HCN3: variants seen among roughly 807,000 people sequenced by gnomAD.
HCN3 encodes hyperpolarization activated cyclic nucleotide gated potassium channel 3, also known as potassium/sodium hyperpolarization-activated cyclic nucleotide-gated channel 3.
In HCN3, 36 loss-of-function variants were observed where a neutral mutation model predicts 56.8. The ratio of observed to expected loss-of-function variants is 0.63; its 90% CI spans 0.49 to 0.84. HCN3 has a LOEUF of 0.84. HCN3 is among the 40% of genes least tolerant of loss of function. The pLI is 0.00. For synonymous variants in HCN3, 425 were observed against 439.7 expected, an observed-to-expected ratio of 0.97 and a Z score of 0.42; for missense variants, 930 against 1,079.3, an observed-to-expected ratio of 0.86 and a Z score of 1.94.
At chr1:155,286,526 G>A (rs1674294145) in intron 6 of HCN3, among the ~76,000 whole-genome samples, 1 of 152,180 alleles carries the variant, frequency 6.6e-6, no homozygotes, top group Non-Finnish European at 1.5e-5. Context: ...GGGCCTTTTA[G>A]AACCCTTAGA....
chr1:155,285,763 A>C lies in HCN3; in HGVS notation c.1276A>C (p.Met426Leu), dbSNP rs143562699. ...NFTCRGLVAHMPLFAHADPSF... is the reference protein window; with the variant it reads ...NFTCRGLVAHLPLFAHADPSF... ...CACCTGTCGGGGCCTGGTGGCCCAC[A>C]TGCCGCTGTTTGCCCATGCCGACCC... The change falls in exon 6 of 8, where the codon ATG becomes CTG. Residue 426 changes from methionine (M) to leucine (L), a missense_variant. Coordinates refer to ENST00000368358, the MANE Select transcript of HCN3 (RefSeq NM_020897.3). This position sits in a 1 kb window ranked among gnomAD's most constrained non-coding sequence, Gnocchi z 4.5. The C allele has an allele frequency of 6.2e-7, 1 of 1,614,078 alleles. No individual in the cohort carries two copies. The highest frequency in any genetic ancestry group is 1.3e-5 in the African/African-American group (1 of 75,006).
At position 155,284,277 on chromosome 1, in the gene HCN3, A is replaced by G; in HGVS notation, c.870+142A>G. 3 of 1,008,568 alleles carry G rather than the reference A, an allele frequency of 3.0e-6. No homozygotes were observed. Among genetic ancestry groups the G allele is most frequent in the Non-Finnish European group, 4.3e-6 (3 of 695,630 alleles). The allele number at this position is 1,008,568 out of a possible 1,614,324, so 62.5% of individuals were successfully genotyped here. On this transcript the variant is annotated intron_variant, in intron 3 of 7. Transcript: ENST00000368358. The surrounding 1 kb of genome is among the most constrained non-coding windows in gnomAD (Gnocchi z 4.3). ...CGAGGAGGTGGGGAGGAGGGAGGAA[A>G]GGGGAAGGAGACCCAGAAGAAGTGC...
chr1:155,285,665 C>T lies in HCN3; in HGVS notation c.1237-59C>T, dbSNP rs552426994. On this transcript the variant is annotated intron_variant, in intron 5 of 7. Transcript: ENST00000368358. This position sits in a 1 kb window ranked among gnomAD's most constrained non-coding sequence, Gnocchi z 4.5. ...TGGGGTTTCTGGAAGCGGATGAGCT[C>T]GGTGGGATCATCTCAGGTCAGGGGC... The T allele has an allele frequency of 1.4e-5, 23 of 1,597,858 alleles. No homozygotes were observed. The highest frequency in any genetic ancestry group is 1.2e-4 in the South Asian group (11 of 89,072).
In HCN3 at chr1:155,284,397, C is replaced by A. The variant is rs1459882393; in HGVS notation, c.871-142C>A. The stretch of plus-strand genomic sequence containing the variant: ...AGGACCCTTTTGCCTCAGGGCCCCC[C>A]AGAACCAAACTTAAGTGCCTGCCAG... On this transcript the variant is annotated intron_variant, in intron 3 of 7. Coordinates refer to ENST00000368358, the MANE Select transcript of HCN3 (RefSeq NM_020897.3). The surrounding 1 kb of genome is among the most constrained non-coding windows in gnomAD (Gnocchi z 4.3). 11 of 1,025,264 alleles carry A rather than the reference C, an allele frequency of 1.1e-5. No homozygotes were observed. The highest frequency in any genetic ancestry group is 2.8e-5 in the Admixed American group (1 of 35,692). The allele number at this position is 1,025,264 out of a possible 1,614,324, so 63.5% of individuals were successfully genotyped here. A position where few individuals can be genotyped will look rare whatever the true frequency, so the allele number is the denominator to read the frequency against.
Position 155,285,689 on chromosome 1 carries a change from G to T in HCN3, c.1237-35G>T. On this transcript the variant is annotated intron_variant, in intron 5 of 7. Coordinates refer to ENST00000368358, the MANE Select transcript of HCN3 (RefSeq NM_020897.3). The surrounding 1 kb of genome is among the most constrained non-coding windows in gnomAD (Gnocchi z 4.5). ...TCGGTGGGATCATCTCAGGTCAGGG[G>T]CACAGCCTGCCTGACAGGCCCCTCC... 3.7e-6 allele frequency: 6 copies of T among 1,611,072 alleles called. No individual in the cohort carries two copies. Among genetic ancestry groups the T allele is most frequent in the Non-Finnish European group, 5.1e-6 (6 of 1,178,306 alleles).
Position 155,287,864 on chromosome 1 carries a change from C to A in HCN3, c.1726C>A (p.Gln576Lys), listed in dbSNP as rs774694361. 1 of 1,614,030 alleles carries A rather than the reference C, an allele frequency of 6.2e-7. No homozygotes were observed. The highest frequency in any genetic ancestry group is 1.1e-5 in the South Asian group (1 of 91,064). The stretch of plus-strand genomic sequence containing the variant: ...TGGCATCATGGAGCAGCACTTGGTG[C>A]AACATGACAGAGACATGGCTCGGGG... ...SGGIMEQHLVQHDRDMARGVR... is the reference protein window; with the variant it reads ...SGGIMEQHLVKHDRDMARGVR... The change falls in exon 8 of 8, where the codon CAA becomes AAA. Residue 576 changes from glutamine to lysine, a missense_variant. Gln to Lys is a moderately conservative substitution (Grantham distance 53, BLOSUM62 1). Transcript: ENST00000368358.
At position 155,288,154 on chromosome 1, in the gene HCN3, C is replaced by A. The variant is rs775700824; in HGVS notation, c.2016C>A (p.Pro672=). 1.9e-6 allele frequency: 3 copies of A among 1,583,262 alleles called. No individual in the cohort carries two copies. The highest frequency in any genetic ancestry group is 2.7e-5 in the African/African-American group (2 of 74,004). Residue 672 remains proline, a synonymous_variant, in exon 8 of 8, where the codon CCC becomes CCA. Transcript: ENST00000368358. This position sits in a 1 kb window ranked among gnomAD's most constrained non-coding sequence, Gnocchi z 6.5. ...CATGGGCATCCACCTCCCGCCTGCC[C>A]GCCCCACCTGCCCGAACCCTGCACG... is the stretch of plus-strand genomic sequence containing the variant. ...AGPWASTSRL[P]APPARTLHAS... is the part of the protein sequence containing the mutation.
chr1:155,286,053 G>C, intron 6 of HCN3, 89 bp downstream of exon 6: 1 of 1,489,598 alleles, frequency 6.7e-7, no homozygotes, highest in Admixed American at 2.2e-5. Flanking sequence ...GCCTCAGTAC[G>C]CTGCAGAATC....
Position 155,282,989 on chromosome 1 carries a change from C to T in HCN3, c.708+149C>T, listed in dbSNP as rs910216727. 4 of 788,736 alleles carry T rather than the reference C, an allele frequency of 5.1e-6. No homozygotes were observed. Among genetic ancestry groups the T allele is most frequent in the Non-Finnish European group, 7.9e-6 (4 of 504,866 alleles). The allele number at this position is 788,736 out of a possible 1,614,324, so 48.9% of individuals were successfully genotyped here. On this transcript the variant is annotated intron_variant, in intron 2 of 7. Transcript: ENST00000368358. The surrounding 1 kb of genome is among the most constrained non-coding windows in gnomAD (Gnocchi z 4.7). ...GGGGAAGATGGGTGGGGCTTCCGTG[C>T]GTGAGCTCTCTCCAAAACTGGTGGG...
chr1:155,280,784 C>T lies in HCN3; in HGVS notation c.279-1627C>T, dbSNP rs544690759. Among the ~76,000 whole-genome samples, 6 of 80,022 alleles carry T rather than the reference C, an allele frequency of 7.5e-5. No homozygotes were observed. The East Asian group carries it at 2.4e-3, about 32-fold the overall frequency. The allele number at this position is 80,022 out of a possible 152,430, so 52.5% of individuals were successfully genotyped here. ...TTTTTTTTTTTTTGAGACAGAGTTTCACTCTTGTTGCCCAGGCTGGAGTGC... is the reference window on the plus strand; with the variant it reads ...TTTTTTTTTTTTTGAGACAGAGTTTTACTCTTGTTGCCCAGGCTGGAGTGC... On this transcript the variant is annotated intron_variant, in intron 1 of 7. Coordinates refer to ENST00000368358, the MANE Select transcript of HCN3 (RefSeq NM_020897.3).
chr1:155,278,793 G>C (rs2148164346), intron 1 of HCN3, among the ~76,000 whole-genome samples: 1 of 152,210 alleles, frequency 6.6e-6, no homozygotes, highest in South Asian at 2.1e-4. Context: ...TGTCTTTGCT[G>C]CCTCGTTCCC....
chr1:155,287,290 T>C lies in HCN3; in HGVS notation c.1595T>C (p.Met532Thr). The C allele has an allele frequency of 6.2e-7, 1 of 1,614,032 alleles. No homozygotes were observed. Among genetic ancestry groups the C allele is most frequent in the Non-Finnish European group, 8.5e-7 (1 of 1,179,936 alleles). The change falls in exon 7 of 8, where the codon ATG becomes ACG. Residue 532 changes from methionine to threonine, a missense_variant. Coordinates refer to ENST00000368358, the MANE Select transcript of HCN3 (RefSeq NM_020897.3). ...FNAVLEEFPM[M>T]RRAFETVAMD... is the part of the protein sequence containing the mutation. ...GCTGTGCTTGAGGAGTTCCCCATGA[T>C]GCGCCGGGCCTTTGAGACTGTGGCC...
Position 155,288,234 on chromosome 1 carries a change from G to T in HCN3, c.2096G>T (p.Gly699Val), listed in dbSNP as rs751669488. Residue 699 changes from glycine to valine, a missense_variant, in exon 8 of 8, where the codon GGA becomes GTA. Physicochemically the swap from Gly to Val is moderately radical, Grantham distance 109. Transcript: ENST00000368358. This position sits in a 1 kb window ranked among gnomAD's most constrained non-coding sequence, Gnocchi z 6.5. ...SQVSLLGPPPGGGGRRLGPRG... is the reference protein window; with the variant it reads ...SQVSLLGPPPVGGGRRLGPRG... Reference sequence around the variant, plus strand: ...GTCTCCCTGCTGGGTCCCCCTCCAGGAGGAGGTGGACGGCGGCTAGGACCT... The same window carrying T: ...GTCTCCCTGCTGGGTCCCCCTCCAGTAGGAGGTGGACGGCGGCTAGGACCT... 3.8e-6 allele frequency: 6 copies of T among 1,583,798 alleles called. No individual in the cohort carries two copies. In the East Asian group the frequency reaches 1.2e-4, roughly 30 times the overall value.
chr1:155,285,121 T>G lies in HCN3; in HGVS notation c.1090-44T>G, dbSNP rs374023813. 1.9e-6 allele frequency: 3 copies of G among 1,600,272 alleles called. No individual in the cohort carries two copies. Among genetic ancestry groups the G allele is most frequent in the African/African-American group, 1.3e-5 (1 of 74,598 alleles). ...CACCCCACTGTGCCGGCCCCAAATC[T>G]CTCCCTCTGTCCTCTTGCCCCTGGC... On this transcript the variant is annotated intron_variant, in intron 4 of 7. Transcript: ENST00000368358. This position sits in a 1 kb window ranked among gnomAD's most constrained non-coding sequence, Gnocchi z 4.5.
intron 1 of HCN3, among the ~76,000 whole-genome samples, chr1:155,281,218 G>A (rs985855967): frequency 3.5e-5 from 5 of 144,570 alleles, no homozygotes; most frequent in African/African-American, 1.3e-4. Flanking sequence ...CTACAGGTGT[G>A]CACCACCATG....
At chr1:155,279,924 A>T (rs1673952657) in intron 1 of HCN3, among the ~76,000 whole-genome samples, 1 of 151,512 alleles carries the variant, frequency 6.6e-6, no homozygotes, top group Admixed American at 6.6e-5. Context: ...GAGTAATTTT[A>T]TTTATTTATT....
intron 1 of HCN3, among the ~76,000 whole-genome samples, chr1:155,278,870 C>A (rs1205259722): frequency 6.6e-6 from 1 of 152,156 alleles, no homozygotes; most frequent in Non-Finnish European, 1.5e-5. Context: ...CACTCGCAGA[C>A]GGATCCCCAG....
intron 7 of HCN3, 87 bp downstream of exon 7, chr1:155,287,424 A>G: frequency 1.4e-6 from 2 of 1,477,240 alleles, no homozygotes; most frequent in Non-Finnish European, 1.9e-6. Context: ...TTAGGGCTCC[A>G]GGGTCATATC....
Position 155,284,354 on chromosome 1 carries a change from G to T in HCN3, c.871-185G>T. On this transcript the variant is annotated intron_variant, in intron 3 of 7. Transcript: ENST00000368358. The surrounding 1 kb of genome is among the most constrained non-coding windows in gnomAD (Gnocchi z 4.3). ...GAAGGGTACCTACCCGGAAGCTGAG[G>T]CCCCCAAGTTGCAATAGAGGACCCT... 1.2e-6 allele frequency: 1 copy of T among 832,602 alleles called. No individual in the cohort carries two copies. Among genetic ancestry groups the T allele is most frequent in the Non-Finnish European group, 1.8e-6 (1 of 549,130 alleles). The allele number at this position is 832,602 out of a possible 1,614,324, so 51.6% of individuals were successfully genotyped here.
Sources: gnomAD v4.1 joint callset for allele counts (sites outside exome capture counted in the v4.1 genomes callset) on GRCh38, gnomAD v4.1.1 for gene constraint, Gnocchi (gnomAD v3.1) non-coding constraint, MANE v1.5 for transcripts, NCBI Gene and HGNC (gene_info 2026-07-23, HGNC 2026-07-21) for gene names.